FAM114A1: variants seen among roughly 807,000 people sequenced by gnomAD.
The protein encoded by FAM114A1 is protein NOXP20.
In FAM114A1, 62 loss-of-function variants were observed where a neutral mutation model predicts 64.3. The observed-to-expected ratio is 0.96, with a 90% CI of 0.79 to 1.19. The LOEUF (loss-of-function observed/expected upper bound fraction) is 1.19, where lower values mean the gene tolerates loss of function less well. Ranked by LOEUF, FAM114A1 falls within the 50% of genes most tolerant of loss-of-function variation. The probability of loss-of-function intolerance (pLI) is 0.00; values close to 1 mark genes in which losing one functional copy is unlikely to be tolerated. For missense variants in FAM114A1, 645 were observed against 676.3 expected (o/e 0.95, Z 0.51); for synonymous variants, 254 against 251.1 (o/e 1.01, Z -0.11).
intron 3 of FAM114A1, among the ~76,000 whole-genome samples, chr4:38,886,381 G>T (rs1315584882): frequency 1.3e-5 from 2 of 151,274 alleles, no homozygotes; most frequent in Non-Finnish European, 2.9e-5. Context: ...TTTTTGGCCA[G>T]GCTGGTCTCA....
At chr4:38,936,162 G>A (rs1350157445) in intron 13 of FAM114A1, among the ~76,000 whole-genome samples, 2 of 150,622 alleles carry the variant, frequency 1.3e-5, no homozygotes, top group Admixed American at 6.6e-5. Flanking sequence ...GCGCGATCTC[G>A]GCTCACTGCA....
rs781168047 is a variant in FAM114A1, at chr4:38,905,683, G to A, written c.550+48G>A. 4 of 1,607,902 alleles carry A rather than the reference G, an allele frequency of 2.5e-6. No homozygotes were observed. The African/African-American group carries it at 5.4e-5, about 22-fold the overall frequency. ...GTGTTCTTGGACTTTATTACACCAT[G>A]TGCATAATCAGAGGTTTTCCAAGTT... On this transcript the variant is annotated intron_variant, in intron 5 of 14. Coordinates refer to ENST00000358869, the MANE Select transcript of FAM114A1 (RefSeq NM_138389.4).
At chr4:38,871,692 G>C (rs924513544) in intron 2 of FAM114A1, among the ~76,000 whole-genome samples, 3 of 152,096 alleles carry the variant, frequency 2.0e-5, no homozygotes, top group Admixed American at 2.0e-4. Flanking sequence ...ATCAGAGATA[G>C]GTAAGGGCTC....
At chr4:38,920,797 C>G (rs191578563) in intron 8 of FAM114A1, among the ~76,000 whole-genome samples, 17 of 152,204 alleles carry the variant, frequency 1.1e-4, no homozygotes, top group Non-Finnish European at 2.1e-4. Flanking sequence ...CATGAGTGTG[C>G]GAGCTGAAAT....
intron 4 of FAM114A1, among the ~76,000 whole-genome samples, chr4:38,902,749 A>T (rs1294314036): frequency 6.6e-6 from 1 of 152,128 alleles, no homozygotes; most frequent in Non-Finnish European, 1.5e-5. Flanking sequence ...GAAGAAATTA[A>T]TCCATGAACT....
intron 13 of FAM114A1, among the ~76,000 whole-genome samples, chr4:38,937,318 C>G (rs1249886586): frequency 6.6e-6 from 1 of 152,210 alleles, no homozygotes; most frequent in Non-Finnish European, 1.5e-5. Flanking sequence ...TTTCTTGCTT[C>G]TTCCAGCTTC....
intron 8 of FAM114A1, among the ~76,000 whole-genome samples, chr4:38,918,946 A>G (rs1719328183): frequency 6.6e-6 from 1 of 152,228 alleles, no homozygotes; most frequent in African/African-American, 2.4e-5. Context: ...GAAGGCCAGG[A>G]GTTCAAGACC....
intron 6 of FAM114A1, among the ~76,000 whole-genome samples, chr4:38,906,777 C>T (rs1292664663): frequency 4.6e-5 from 7 of 152,174 alleles, no homozygotes; most frequent in Non-Finnish European, 1.0e-4. Context: ...TCAGGTGATC[C>T]TCCTGCCTCG....
At chr4:38,943,192 A>AC (rs1491497637) in intron 14 of FAM114A1, among the ~76,000 whole-genome samples, 2 of 66,198 alleles carry the variant, frequency 3.0e-5, no homozygotes, top group Non-Finnish European at 6.4e-5. Flanking sequence ...ACTCTGTCTC[A>AC]AAAAAAAAAA....
intron 3 of FAM114A1, among the ~76,000 whole-genome samples, chr4:38,888,471 T>C (rs1232698122): frequency 6.6e-6 from 1 of 152,122 alleles, no homozygotes; most frequent in Non-Finnish European, 1.5e-5. Flanking sequence ...TGTAGTGAGC[T>C]ATTATCATAC....
rs1721020824 is a variant in FAM114A1, at chr4:38,935,699, T to TC, written c.1464-19_1464-18insC. On this transcript the variant is annotated intron_variant, in intron 12 of 14. Transcript: ENST00000358869. Reference sequence around the variant, plus strand: ...ACCTTATTGAAAACATCCAAGCTTTTTTTTTTTTCTTCTTTCAGATTAACT... The same window carrying TC: ...ACCTTATTGAAAACATCCAAGCTTTTCTTTTTTTTCTTCTTTCAGATTAACT... 7 of 1,553,908 alleles carry TC rather than the reference T, an allele frequency of 4.5e-6. No individual in the cohort carries two copies. The highest frequency in any genetic ancestry group is 6.1e-6 in the Non-Finnish European group (7 of 1,149,826).
chr4:38,894,259 T>C (rs752122710), intron 4 of FAM114A1, among the ~76,000 whole-genome samples: 2 of 150,896 alleles, frequency 1.3e-5, no homozygotes, highest in Non-Finnish European at 3.0e-5. Context: ...CTGCGGCCTG[T>C]GCTTGTGTTT....
intron 3 of FAM114A1, among the ~76,000 whole-genome samples, 186 bp from the exon 4 acceptor site, chr4:38,891,557 G>T (rs1251018991): frequency 2.0e-5 from 3 of 152,040 alleles, no homozygotes; most frequent in African/African-American, 7.2e-5. Context: ...TAATCAATTT[G>T]GTTCCAAAGT....
intron 3 of FAM114A1, among the ~76,000 whole-genome samples, chr4:38,882,130 G>A (rs1442828551): frequency 6.7e-6 from 1 of 150,266 alleles, no homozygotes; most frequent in Admixed American, 6.6e-5. Context: ...GGCTAACAAG[G>A]TGAAACCCCG....
chr4:38,879,745 G>T (rs1560287680), intron 3 of FAM114A1, among the ~76,000 whole-genome samples: 1 of 152,126 alleles, frequency 6.6e-6, no homozygotes, highest in Non-Finnish European at 1.5e-5. Context: ...TTGTTTATGA[G>T]TTTCAAGAGG....
Position 38,908,638 on chromosome 4 carries a change from G to T in FAM114A1, c.704G>T (p.Gly235Val), listed in dbSNP as rs386352300. The T allele has an allele frequency of 1.2e-6, 2 of 1,613,250 alleles. No individual in the cohort carries two copies. The highest frequency in any genetic ancestry group is 1.7e-6 in the Non-Finnish European group (2 of 1,179,402). Residue 235 changes from glycine (G) to valine (V), a missense_variant, in exon 7 of 15, where the codon GGC (glycine) becomes GTC (valine). Transcript: ENST00000358869. ...TGGLDALEFI[G>V]KKTMNVLAES... ...GGCCTTGATGCGTTGGAATTCATCG[G>T]CAAGAAAACCATGAATGTCCTTGCA... is the stretch of plus-strand genomic sequence containing the variant.
At chr4:38,893,442 T>C (rs967805186) in intron 4 of FAM114A1, among the ~76,000 whole-genome samples, 8 of 152,256 alleles carry the variant, frequency 5.3e-5, no homozygotes, top group Non-Finnish European at 1.0e-4. Flanking sequence ...AATTGGTGGT[T>C]CGAGGGTTCT....
At position 38,915,074 on chromosome 4, in the gene FAM114A1, G is replaced by T; in HGVS notation, c.945+1G>T. 6.2e-7 allele frequency: 1 copy of T among 1,613,990 alleles called. No homozygotes were observed. The highest frequency in any genetic ancestry group is 1.3e-5 in the African/African-American group (1 of 75,010). ...TCTGTCCAATGAAAGCGAAAGCAAGGTACTTCTGCACTACTCGTTTGAAAT... is the reference window on the plus strand; with the variant it reads ...TCTGTCCAATGAAAGCGAAAGCAAGTTACTTCTGCACTACTCGTTTGAAAT... On this transcript the variant is annotated splice_donor_variant, in intron 8 of 14. Coordinates refer to ENST00000358869, the MANE Select transcript of FAM114A1 (RefSeq NM_138389.4). LOFTEE classifies it high-confidence loss of function.
At chr4:38,911,944 C>T (rs1475404442) in intron 7 of FAM114A1, among the ~76,000 whole-genome samples, 1 of 149,162 alleles carries the variant, frequency 6.7e-6, no homozygotes, top group Non-Finnish European at 1.5e-5. Context: ...TCACTGCAAC[C>T]TCCGCCTCCT....
Sources: gnomAD v4.1 joint callset for allele counts (sites outside exome capture counted in the v4.1 genomes callset) on GRCh38, gnomAD v4.1.1 for gene constraint, MANE v1.5 for transcripts, NCBI Gene and HGNC (gene_info 2026-07-23, HGNC 2026-07-21) for gene names.